The following MIPEP variants were observed in gnomAD, a reference collection of about 807,000 sequenced individuals.
MIPEP encodes mitochondrial intermediate peptidase.
Under a neutral mutation model 90.3 loss-of-function variants are expected in MIPEP, and 79 were observed. The observed-to-expected ratio is 0.87, with a 90% CI of 0.73 to 1.05. MIPEP has a LOEUF of 1.05. Among genes scored for constraint, MIPEP ranks in the 50% least tolerant of loss-of-function variants. The pLI, the probability that MIPEP is intolerant of heterozygous loss-of-function variation, is 0.00. For synonymous variants in MIPEP, 334 were observed against 315.8 expected, an observed-to-expected ratio of 1.06 and a Z score of -0.61; for missense variants, 940 against 905.6, an observed-to-expected ratio of 1.04 and a Z score of -0.49.
rs543999418 is a variant in MIPEP at position 23,763,908 on chromosome 13, T to C, written c.1849-3691A>G. Among the ~76,000 whole-genome samples the C allele has an allele frequency of 4.1e-4, 62 of 152,360 alleles. 1 individual carries two copies. In the South Asian group the frequency reaches 0.012, roughly 29 times the overall value. On this transcript the variant is annotated intron_variant, in intron 16 of 18. Transcript: ENST00000382172. ...CTAAGACCTACAATTCCACTGTTGT[T>C]TGAACACAATTGCTGAATTCCTGCT...
At chr13:23,786,028 G>A (rs1162373145) in intron 16 of MIPEP, among the ~76,000 whole-genome samples, 1 of 152,082 alleles carries the variant, frequency 6.6e-6, no homozygotes, top group East Asian at 1.9e-4. Context: ...AAACCAGACT[G>A]AGCAACATCG....
At chr13:23,752,667 G>A (rs1037450189) in intron 18 of MIPEP, among the ~76,000 whole-genome samples, 1 of 152,164 alleles carries the variant, frequency 6.6e-6, no homozygotes. Flanking sequence ...ATGAACAGCA[G>A]AAAACCTTAA....
chr13:23,839,742 T>C lies in MIPEP; in HGVS notation c.1261-16A>G. The C allele has an allele frequency of 1.3e-6, 2 of 1,594,718 alleles. No individual in the cohort carries two copies. Among genetic ancestry groups the C allele is most frequent in the Non-Finnish European group, 1.7e-6 (2 of 1,169,444 alleles). On this transcript the variant is annotated splice_polypyrimidine_tract_variant and intron_variant, in intron 11 of 18. Transcript: ENST00000382172. ...GAACAACAGCCTAGAAAAAAAAATT[T>C]AAATTTGGTGGTAAATGAGGCCATC... is the stretch of plus-strand genomic sequence containing the variant.
At chr13:23,744,825 A>T (rs1952366850) in intron 18 of MIPEP, among the ~76,000 whole-genome samples, 1 of 152,218 alleles carries the variant, frequency 6.6e-6, no homozygotes, top group South Asian at 2.1e-4. Flanking sequence ...TAGAAAATCA[A>T]TACACAGGCT....
chr13:23,825,346 G>A (rs2137434987), intron 14 of MIPEP, among the ~76,000 whole-genome samples: 1 of 152,340 alleles, frequency 6.6e-6, no homozygotes, highest in Non-Finnish European at 1.5e-5. Context: ...TCTCTTGAAA[G>A]AGGATGACAG....
intron 18 of MIPEP, among the ~76,000 whole-genome samples, chr13:23,752,337 C>T (rs537659369): frequency 1.3e-5 from 2 of 152,264 alleles, no homozygotes; most frequent in African/African-American, 4.8e-5. Context: ...CTATATAATT[C>T]TACCAGTCTA....
At chr13:23,772,204 C>T (rs765049769) in intron 16 of MIPEP, among the ~76,000 whole-genome samples, 3 of 152,160 alleles carry the variant, frequency 2.0e-5, no homozygotes, top group Non-Finnish European at 4.4e-5. Context: ...GACTGAGCCA[C>T]CGAAATGACT....
Position 23,756,701 on chromosome 13 carries a change from C to A in MIPEP, c.1971-83G>T, listed in dbSNP as rs1952494414. 4 of 1,325,172 alleles carry A rather than the reference C, an allele frequency of 3.0e-6. 1 individual carries two copies. Among genetic ancestry groups the A allele is most frequent in the South Asian group, 1.2e-5 (1 of 81,058 alleles). The allele number at this position is 1,325,172 out of a possible 1,614,324, so 82.1% of individuals were successfully genotyped here. A position where few individuals can be genotyped will look rare whatever the true frequency, so the allele number is the denominator to read the frequency against. On this transcript the variant is annotated intron_variant, in intron 17 of 18. Coordinates refer to ENST00000382172, the MANE Select transcript of MIPEP (RefSeq NM_005932.4). ...TCTTGAATTCTCAAAGAAAGCCACACTGATGCCATATTCATAAAAGCTGCC... is the reference window on the plus strand; with the variant it reads ...TCTTGAATTCTCAAAGAAAGCCACAATGATGCCATATTCATAAAAGCTGCC...
intron 2 of MIPEP, 114 bp downstream of exon 2, chr13:23,886,219 G>A: frequency 1.2e-6 from 1 of 814,334 alleles, no homozygotes. Flanking sequence ...CTCAGTTTCA[G>A]ACATTTTTAA....
At chr13:23,794,308 T>A (rs1483301465) in intron 16 of MIPEP, among the ~76,000 whole-genome samples, 2 of 152,172 alleles carry the variant, frequency 1.3e-5, no homozygotes, top group Non-Finnish European at 2.9e-5. Flanking sequence ...TGTGATTTTT[T>A]AATCATGCAT....
At chr13:23,817,392 T>TCCC (rs1480874656) in intron 14 of MIPEP, among the ~76,000 whole-genome samples, 1 of 151,990 alleles carries the variant, frequency 6.6e-6, no homozygotes, top group Non-Finnish European at 1.5e-5. Flanking sequence ...CGAGTGAGAA[T>TCCC]CCCCCTTTCC....
At chr13:23,849,961 G>A (rs775489612) in intron 10 of MIPEP, among the ~76,000 whole-genome samples, 1 of 152,354 alleles carries the variant, frequency 6.6e-6, no homozygotes, top group Non-Finnish European at 1.5e-5. Context: ...TACAGTCAGA[G>A]AATCCAGGTT....
chr13:23,739,961 A>C (rs2138487135), intron 18 of MIPEP, among the ~76,000 whole-genome samples: 1 of 152,310 alleles, frequency 6.6e-6, no homozygotes, highest in African/African-American at 2.4e-5. Flanking sequence ...CCAAGGTGTC[A>C]ATGGGGTAGG....
intron 18 of MIPEP, among the ~76,000 whole-genome samples, chr13:23,733,983 C>T (rs555448467): frequency 5.9e-5 from 9 of 152,106 alleles, no homozygotes; most frequent in Non-Finnish European, 8.8e-5. Context: ...AGGATAGAAA[C>T]GCTGGGTATG....
intron 16 of MIPEP, among the ~76,000 whole-genome samples, chr13:23,768,343 C>T (rs1952613953): frequency 1.3e-5 from 2 of 152,200 alleles, no homozygotes; most frequent in Admixed American, 1.3e-4. Context: ...TGCTAAAATA[C>T]ATATCAAAAC....
intron 12 of MIPEP, among the ~76,000 whole-genome samples, chr13:23,839,315 T>C (rs1869193584): frequency 6.6e-6 from 1 of 152,180 alleles, no homozygotes; most frequent in South Asian, 2.1e-4. Context: ...TGTGAGTAAC[T>C]AGTCAAAAGG....
chr13:23,738,807 T>C (rs929244869), intron 18 of MIPEP, among the ~76,000 whole-genome samples: 2 of 152,172 alleles, frequency 1.3e-5, no homozygotes, highest in African/African-American at 4.8e-5. Flanking sequence ...CTGACATCAC[T>C]GGTGTGTCAA....
chr13:23,860,013 C>T (rs1870220965), intron 9 of MIPEP, among the ~76,000 whole-genome samples: 1 of 152,236 alleles, frequency 6.6e-6, no homozygotes. Context: ...GGTCCTGGCA[C>T]ACATTTTCTC....
chr13:23,737,581 G>A (rs1952279597), intron 18 of MIPEP, among the ~76,000 whole-genome samples: 1 of 152,192 alleles, frequency 6.6e-6, no homozygotes, highest in Admixed American at 6.5e-5. Context: ...AAAGCTGCAA[G>A]TTCATATCCT....
Sources: gnomAD v4.1 joint callset for allele counts (sites outside exome capture counted in the v4.1 genomes callset) on GRCh38, gnomAD v4.1.1 for gene constraint, MANE v1.5 for transcripts, NCBI Gene and HGNC (gene_info 2026-07-23, HGNC 2026-07-21) for gene names.